Variants in ADAMTSL1 observed in about 807,000 individuals in gnomAD.
ADAMTSL1 encodes the protein ADAMTS-like protein 1.
A neutral mutation model predicts 201.8 loss-of-function variants in ADAMTSL1; 126 were observed. The observed-to-expected ratio is 0.62, with a 90% CI of 0.54 to 0.72. ADAMTSL1 has a LOEUF of 0.72. Among genes scored for constraint, ADAMTSL1 ranks in the 30% least tolerant of loss-of-function variants. The probability of loss-of-function intolerance (pLI) is 0.00; values close to 1 mark genes in which losing one functional copy is unlikely to be tolerated. For synonymous variants in ADAMTSL1, 1,121 were observed against 903.4 expected, an observed-to-expected ratio of 1.24 and a Z score of -4.32; for missense variants, 2,679 against 2,277.8, an observed-to-expected ratio of 1.18 and a Z score of -3.59.
intron 2 of ADAMTSL1, among the ~76,000 whole-genome samples, chr9:18,316,006 G>A (rs1195466330): frequency 6.6e-6 from 1 of 152,218 alleles, no homozygotes; most frequent in Non-Finnish European, 1.5e-5. Flanking sequence ...GTACAAAAGA[G>A]AGAAATTTTA....
intron 1 of ADAMTSL1, among the ~76,000 whole-genome samples, chr9:18,060,706 C>T (rs1431548677): frequency 6.6e-6 from 1 of 152,194 alleles, no homozygotes; most frequent in African/African-American, 2.4e-5. Context: ...AATAATTCGT[C>T]TCACCACTGC....
chr9:18,741,362 A>C (rs1818813208), intron 15 of ADAMTSL1, among the ~76,000 whole-genome samples: 1 of 152,206 alleles, frequency 6.6e-6, no homozygotes. Flanking sequence ...AAGACTGCAA[A>C]GACAATTATC....
intron 2 of ADAMTSL1, among the ~76,000 whole-genome samples, chr9:18,382,766 C>T (rs1837612761): frequency 6.7e-6 from 1 of 148,644 alleles, no homozygotes; most frequent in Non-Finnish European, 1.5e-5. Flanking sequence ...ACCCCTCAGC[C>T]CAACTGAACA....
At chr9:18,307,583 C>A (rs976013712) in intron 2 of ADAMTSL1, among the ~76,000 whole-genome samples, 13 of 151,912 alleles carry the variant, frequency 8.6e-5, no homozygotes, top group Admixed American at 2.6e-4. Context: ...CAAAAAAGAT[C>A]AAAAAAGGCT....
intron 2 of ADAMTSL1, among the ~76,000 whole-genome samples, chr9:18,282,558 T>A (rs1204393215): frequency 1.3e-5 from 2 of 152,242 alleles, no homozygotes; most frequent in South Asian, 2.1e-4. Context: ...GCTTGCTTTA[T>A]GGCTTAGAAT....
Position 18,889,756 on chromosome 9 carries a change from C to T in ADAMTSL1, c.4643+8C>T, listed in dbSNP as rs1281581018. The T allele has an allele frequency of 2.7e-6, 4 of 1,478,604 alleles. 1 individual carries two copies. The South Asian group carries it at 4.2e-5, about 16-fold the overall frequency. 91.6% of individuals were successfully genotyped at this position (1,478,604 alleles called of 1,614,324 possible). ...GAGAGACTGCCCTTCTCGGTGAGTG[C>T]AGCGGACACTGGCTCAGACCTCCCC... On this transcript the variant is annotated splice_region_variant and intron_variant, in intron 25 of 28. Coordinates refer to ENST00000380548, the MANE Select transcript of ADAMTSL1 (RefSeq NM_001040272.6).
intron 23 of ADAMTSL1, among the ~76,000 whole-genome samples, chr9:18,868,991 A>G (rs1827718230): frequency 6.6e-6 from 1 of 152,216 alleles, no homozygotes; most frequent in African/African-American, 2.4e-5. Context: ...AGTTAAGATA[A>G]GGTCATTCAT....
rs377062017 is a variant in ADAMTSL1, at chr9:18,777,197, G to A, written c.2968G>A (p.Glu990Lys). 3 of 1,612,758 alleles carry A rather than the reference G, an allele frequency of 1.9e-6. No individual in the cohort carries two copies. Among genetic ancestry groups the A allele is most frequent in the Non-Finnish European group, 2.5e-6 (3 of 1,179,814 alleles). Reference sequence around the variant, plus strand: ...TGCGGGGAGGAAGGGCGGCCCGAAGGAGGCCCTGCAGACCCACAAACACCA... The same window carrying A: ...TGCGGGGAGGAAGGGCGGCCCGAAGAAGGCCCTGCAGACCCACAAACACCA... ...VLAGRKGGPK[E>K]ALQTHKHQNG... is the part of the protein sequence containing the mutation. Residue 990 changes from glutamate to lysine, a missense_variant, in exon 19 of 29, where the codon GAG (glutamate) becomes AAG (lysine). Coordinates refer to ENST00000380548, the MANE Select transcript of ADAMTSL1 (RefSeq NM_001040272.6).
chr9:18,605,035 T>A (rs1824923089), intron 4 of ADAMTSL1, among the ~76,000 whole-genome samples: 1 of 152,170 alleles, frequency 6.6e-6, no homozygotes, highest in East Asian at 1.9e-4. Flanking sequence ...ATCATGATAC[T>A]AAAATTACTT....
intron 2 of ADAMTSL1, among the ~76,000 whole-genome samples, chr9:18,520,034 A>T (rs961136452): frequency 1.3e-5 from 2 of 152,238 alleles, no homozygotes; most frequent in African/African-American, 4.8e-5. Flanking sequence ...TGGAAAAAAA[A>T]ATTGGCAGTG....
At chr9:18,015,236 G>A (rs1586898106) in intron 1 of ADAMTSL1, among the ~76,000 whole-genome samples, 1 of 151,982 alleles carries the variant, frequency 6.6e-6, no homozygotes, top group Non-Finnish European at 1.5e-5. Flanking sequence ...CTTCTCTCTG[G>A]TGCTCTCTCT....
intron 23 of ADAMTSL1, among the ~76,000 whole-genome samples, chr9:18,856,789 A>G (rs1228156905): frequency 1.3e-5 from 2 of 152,098 alleles, no homozygotes; most frequent in African/African-American, 4.8e-5. Flanking sequence ...TTGAGAAGAA[A>G]TCAGCATTCA....
chr9:18,306,995 C>G lies in ADAMTSL1; in HGVS notation c.207+143014C>G, dbSNP rs1427136534. On this transcript the variant is annotated intron_variant, in intron 2 of 29. Transcript: ENST00000680146. ...AGCCCACCAGACTAACAGTGGATCTCTCTGCAGAAACCCTACAAGCCAGAA... is the reference window on the plus strand; with the variant it reads ...AGCCCACCAGACTAACAGTGGATCTGTCTGCAGAAACCCTACAAGCCAGAA... Among the ~76,000 whole-genome samples the G allele has an allele frequency of 2.0e-5, 3 of 152,184 alleles. 1 individual carries two copies. The South Asian group carries it at 6.2e-4, about 32-fold the overall frequency.
chr9:18,526,790 C>T (rs928772085), intron 2 of ADAMTSL1, among the ~76,000 whole-genome samples: 1 of 152,162 alleles, frequency 6.6e-6, no homozygotes, highest in African/African-American at 2.4e-5. Context: ...TTTGATGTGA[C>T]AGGAGAAACT....
intron 15 of ADAMTSL1, among the ~76,000 whole-genome samples, chr9:18,745,639 T>A (rs1479944535): frequency 6.6e-6 from 1 of 152,186 alleles, no homozygotes; most frequent in African/African-American, 2.4e-5. Context: ...CAGAGAGAAC[T>A]AGGAAATACT....
chr9:18,876,137 G>A (rs143280762), intron 23 of ADAMTSL1, among the ~76,000 whole-genome samples: 23 of 152,194 alleles, frequency 1.5e-4, no homozygotes, highest in African/African-American at 5.1e-4. Flanking sequence ...GAGTCCTTAT[G>A]TGTTAGGTGA....
At chr9:18,592,079 T>C (rs1358590226) in intron 4 of ADAMTSL1, among the ~76,000 whole-genome samples, 2 of 152,190 alleles carry the variant, frequency 1.3e-5, no homozygotes, top group Non-Finnish European at 2.9e-5. Context: ...GTGCATCTCA[T>C]TGATTTGCTA....
At chr9:18,252,077 T>C (rs577753539) in intron 2 of ADAMTSL1, among the ~76,000 whole-genome samples, 2 of 152,174 alleles carry the variant, frequency 1.3e-5, no homozygotes, top group South Asian at 4.1e-4. Context: ...ATGAACCATG[T>C]AACTTTTTAA....
intron 21 of ADAMTSL1, among the ~76,000 whole-genome samples, chr9:18,819,262 C>G (rs1824056873): frequency 6.6e-6 from 1 of 151,998 alleles, no homozygotes; most frequent in Admixed American, 6.6e-5. Context: ...TTGAGACCAG[C>G]CTGGCCAACA....
Sources: gnomAD v4.1 joint callset for allele counts (sites outside exome capture counted in the v4.1 genomes callset) on GRCh38, gnomAD v4.1.1 for gene constraint, MANE v1.5 for transcripts, NCBI Gene and HGNC (gene_info 2026-07-23, HGNC 2026-07-21) for gene names.